EMCN: variants seen among roughly 807,000 people sequenced by gnomAD.
EMCN encodes MUC-14.
Under a neutral mutation model 38.4 loss-of-function variants are expected in EMCN, and 37 were observed. The ratio of observed to expected loss-of-function variants is 0.96; its 90% CI spans 0.74 to 1.27. EMCN has a LOEUF of 1.27. EMCN is among the 50% of genes most tolerant of loss of function. EMCN has a pLI of 0.00. For missense variants in EMCN, 318 were observed against 302.8 expected (o/e 1.05, Z -0.37); for synonymous variants, 95 against 100.8 (o/e 0.94, Z 0.35).
chr4:100,454,439 C>A (rs183254845), intron 4 of EMCN, among the ~76,000 whole-genome samples: 1 of 152,122 alleles, frequency 6.6e-6, no homozygotes. Context: ...GATTATGAAA[C>A]CTAGGTATAG....
At chr4:100,494,938 A>T (rs1729173126) in intron 1 of EMCN, among the ~76,000 whole-genome samples, 1 of 151,990 alleles carries the variant, frequency 6.6e-6, no homozygotes. Flanking sequence ...CAAGATTTTA[A>T]TTAACTGTAT....
intron 1 of EMCN, among the ~76,000 whole-genome samples, chr4:100,513,078 A>G (rs914644577): frequency 6.6e-6 from 1 of 152,142 alleles, no homozygotes; most frequent in Non-Finnish European, 1.5e-5. Context: ...AGTTGTCTGG[A>G]TAACTACAAT....
chr4:100,517,759 G>T, intron 1 of EMCN, 92 bp downstream of exon 1: 3 of 1,141,704 alleles, frequency 2.6e-6, no homozygotes, highest in Non-Finnish European at 2.7e-6. Context: ...GCATCTAAGT[G>T]TCAGGGGAAG....
chr4:100,517,404 A>G (rs981503500), intron 1 of EMCN, among the ~76,000 whole-genome samples: 18 of 152,110 alleles, frequency 1.2e-4, no homozygotes. Context: ...TCAATTTATC[A>G]GAGCTGAAAA....
chr4:100,453,577 C>G (rs983844533), intron 4 of EMCN, among the ~76,000 whole-genome samples: 2 of 152,064 alleles, frequency 1.3e-5, no homozygotes, highest in African/African-American at 2.4e-5. Context: ...GTTGGTGGGA[C>G]TGTAAACTAG....
intron 3 of EMCN, among the ~76,000 whole-genome samples, chr4:100,471,275 C>A (rs1728469881): frequency 6.6e-6 from 1 of 151,756 alleles, no homozygotes; most frequent in Non-Finnish European, 1.5e-5. Flanking sequence ...TATTACCAAC[C>A]TTACAGAAAT....
chr4:100,411,139 C>T (rs1348097995), intron 10 of EMCN, among the ~76,000 whole-genome samples: 2 of 152,154 alleles, frequency 1.3e-5, no homozygotes, highest in Non-Finnish European at 2.9e-5. Context: ...CTGAGGATGT[C>T]ACCTGTTACT....
At chr4:100,400,827 A>C (rs2110203038) in intron 11 of EMCN, among the ~76,000 whole-genome samples, 1 of 152,294 alleles carries the variant, frequency 6.6e-6, no homozygotes, top group African/African-American at 2.4e-5. Context: ...CTTTCTCAAA[A>C]AATAAATCTT....
intron 1 of EMCN, among the ~76,000 whole-genome samples, chr4:100,482,018 A>G (rs1728822591): frequency 6.6e-6 from 1 of 152,022 alleles, no homozygotes; most frequent in Non-Finnish European, 1.5e-5. Context: ...ATGATTAGAT[A>G]CAATAAAAGA....
chr4:100,467,735 T>A (rs1728362933), intron 3 of EMCN, among the ~76,000 whole-genome samples: 1 of 152,000 alleles, frequency 6.6e-6, no homozygotes, highest in Non-Finnish European at 1.5e-5. Context: ...AACATCTTTT[T>A]GAGAAAATTT....
intron 4 of EMCN, among the ~76,000 whole-genome samples, chr4:100,450,854 G>T (rs981534154): frequency 1.3e-5 from 2 of 151,890 alleles, no homozygotes; most frequent in African/African-American, 2.4e-5. Flanking sequence ...GTTTTCTAAA[G>T]TGTTGGATAG....
intron 3 of EMCN, among the ~76,000 whole-genome samples, chr4:100,472,567 C>A (rs1728505915): frequency 6.6e-6 from 1 of 151,994 alleles, no homozygotes; most frequent in East Asian, 1.9e-4. Context: ...TAATGCAATC[C>A]CTATCACAAT....
At chr4:100,429,766 G>A (rs1449237185) in intron 5 of EMCN, among the ~76,000 whole-genome samples, 7 of 152,102 alleles carry the variant, frequency 4.6e-5, no homozygotes, top group Non-Finnish European at 8.8e-5. Context: ...ATGAGGCACT[G>A]TGCTAATTAA....
chr4:100,458,404 C>G (rs957523446), intron 4 of EMCN, among the ~76,000 whole-genome samples: 1 of 151,958 alleles, frequency 6.6e-6, no homozygotes, highest in African/African-American at 2.4e-5. Context: ...AAAAAATCAG[C>G]AAAATCTAAA....
intron 1 of EMCN, among the ~76,000 whole-genome samples, chr4:100,481,699 AT>A (rs1578223380): frequency 6.6e-6 from 1 of 152,086 alleles, no homozygotes; most frequent in East Asian, 1.9e-4. Flanking sequence ...TTTAAATTTC[AT>A]ATTGAGGTTG....
At chr4:100,516,504 G>A (rs553657757) in intron 1 of EMCN, among the ~76,000 whole-genome samples, 2 of 152,116 alleles carry the variant, frequency 1.3e-5, no homozygotes, top group Admixed American at 6.6e-5. Flanking sequence ...CAAGCAGACC[G>A]AAGTTACTTA....
intron 1 of EMCN, among the ~76,000 whole-genome samples, chr4:100,480,786 T>C (rs1393654504): frequency 6.6e-6 from 1 of 151,958 alleles, no homozygotes; most frequent in Non-Finnish European, 1.5e-5. Context: ...TATATATTTC[T>C]TTTAAATAAG....
chr4:100,453,228 A>G (rs1196291740), intron 4 of EMCN, among the ~76,000 whole-genome samples: 1 of 152,164 alleles, frequency 6.6e-6, no homozygotes, highest in Non-Finnish European at 1.5e-5. Flanking sequence ...ATCAGAGTGA[A>G]CAGGCAACCT....
At chr4:100,426,101 C>A (rs1430939670) in intron 5 of EMCN, among the ~76,000 whole-genome samples, 1 of 152,138 alleles carries the variant, frequency 6.6e-6, no homozygotes, top group African/African-American at 2.4e-5. Context: ...GGAGACCTCA[C>A]TGTAGACCAA....
Sources: allele counts gnomAD v4.1 joint callset (sites outside exome capture counted in the v4.1 genomes callset), GRCh38; gene constraint gnomAD v4.1.1; transcripts MANE v1.5; gene names NCBI Gene and HGNC (gene_info 2026-07-23, HGNC 2026-07-21).